The following CHSY3 variants were observed in gnomAD, a reference collection of about 807,000 sequenced individuals.
The protein encoded by CHSY3 is N-acetylgalactosaminyl-proteoglycan 3-beta-glucuronosyltransferase 3.
CHSY3 carries 35 observed loss-of-function variants against 67.2 expected under a neutral mutation model. The ratio of observed to expected loss-of-function variants is 0.52; its 90% CI spans 0.40 to 0.69. CHSY3 has a LOEUF of 0.69. CHSY3 is among the 30% of genes least tolerant of loss of function. CHSY3 has a pLI of 0.00. For synonymous variants in CHSY3, 474 were observed against 434.7 expected, an observed-to-expected ratio of 1.09 and a Z score of -1.12; for missense variants, 1,069 against 1,138.5, an observed-to-expected ratio of 0.94 and a Z score of 0.88.
intron 1 of CHSY3, chr5:129,905,919 G>A (rs1760275347): frequency 1.8e-6 from 1 of 569,018 alleles, no homozygotes; most frequent in Admixed American, 3.5e-5. Flanking sequence ...TTACCTCGTC[G>A]GAGAGGTTAG....
At chr5:130,007,732 C>T (rs748976115) in intron 2 of CHSY3, among the ~76,000 whole-genome samples, 12 of 152,090 alleles carry the variant, frequency 7.9e-5, no homozygotes, top group African/African-American at 1.4e-4. Flanking sequence ...GTTACACTCA[C>T]GCCTCAAGAC....
chr5:130,001,603 T>A (rs531370242), intron 2 of CHSY3: 1 of 857,038 alleles, frequency 1.2e-6, no homozygotes, highest in Non-Finnish European at 1.4e-6. Flanking sequence ...ATGAGCATTC[T>A]GTGAGAATTT....
intron 2 of CHSY3, among the ~76,000 whole-genome samples, chr5:129,917,366 C>T (rs1561453475): frequency 6.6e-6 from 1 of 152,168 alleles, no homozygotes; most frequent in Admixed American, 6.5e-5. Context: ...GTTATTACAA[C>T]AGAGAGCCTG....
intron 2 of CHSY3, among the ~76,000 whole-genome samples, chr5:129,976,455 G>T (rs1170702270): frequency 1.3e-5 from 2 of 152,080 alleles, no homozygotes; most frequent in African/African-American, 4.8e-5. Context: ...CAGTAAATGT[G>T]CACAGATATT....
intron 2 of CHSY3, among the ~76,000 whole-genome samples, chr5:130,081,187 G>A (rs1766434816): frequency 6.6e-6 from 1 of 152,082 alleles, no homozygotes; most frequent in Non-Finnish European, 1.5e-5. Flanking sequence ...GAAAACTCAG[G>A]GAGGATTCCA....
At chr5:129,930,012 T>C (rs1761245424) in intron 2 of CHSY3, among the ~76,000 whole-genome samples, 1 of 152,156 alleles carries the variant, frequency 6.6e-6, no homozygotes, top group African/African-American at 2.4e-5. Flanking sequence ...ATGAATGTAT[T>C]GGAAGTACTT....
At chr5:129,942,804 A>G (rs1178908664) in intron 2 of CHSY3, among the ~76,000 whole-genome samples, 5 of 152,206 alleles carry the variant, frequency 3.3e-5, no homozygotes, top group African/African-American at 9.6e-5. Flanking sequence ...TTTGGCAGAT[A>G]GAATTTACAT....
chr5:130,071,060 A>G (rs1766046937), intron 2 of CHSY3, among the ~76,000 whole-genome samples: 1 of 150,282 alleles, frequency 6.7e-6, no homozygotes, highest in Non-Finnish European at 1.5e-5. Flanking sequence ...ATAGTAATAG[A>G]TAGAGATGTT....
intron 2 of CHSY3, among the ~76,000 whole-genome samples, chr5:130,028,169 A>C (rs867070696): frequency 6.6e-6 from 1 of 152,124 alleles, no homozygotes; most frequent in African/African-American, 2.4e-5. Flanking sequence ...AAACTACTTT[A>C]AAGTTCATAT....
At chr5:130,081,367 G>A (rs1411380223) in intron 2 of CHSY3, among the ~76,000 whole-genome samples, 1 of 150,022 alleles carries the variant, frequency 6.7e-6, no homozygotes, top group Non-Finnish European at 1.5e-5. Context: ...GGGGAGGGGA[G>A]GTCAGAAAGA....
intron 2 of CHSY3, among the ~76,000 whole-genome samples, chr5:129,971,373 T>C (rs916236401): frequency 6.6e-6 from 1 of 151,848 alleles, no homozygotes; most frequent in African/African-American, 2.4e-5. Flanking sequence ...TTTATTTCCA[T>C]GCACTAATTT....
chr5:130,171,985 A>T (rs1285590034), intron 2 of CHSY3, among the ~76,000 whole-genome samples: 1 of 152,176 alleles, frequency 6.6e-6, no homozygotes, highest in East Asian at 1.9e-4. Flanking sequence ...GGCCTTAGGC[A>T]TAGCTCAGTG....
chr5:130,072,538 A>G (rs942176793), intron 2 of CHSY3, among the ~76,000 whole-genome samples: 1 of 152,058 alleles, frequency 6.6e-6, no homozygotes, highest in East Asian at 1.9e-4. Flanking sequence ...TTATGCCAGT[A>G]CCATGCTGTT....
intron 2 of CHSY3, among the ~76,000 whole-genome samples, chr5:130,064,366 G>C (rs1765814490): frequency 1.3e-5 from 2 of 152,046 alleles, no homozygotes; most frequent in African/African-American, 4.8e-5. Context: ...AGAAGTTAAG[G>C]AGTTTTTACA....
intron 2 of CHSY3, among the ~76,000 whole-genome samples, chr5:130,080,225 A>T (rs951881067): frequency 1.3e-5 from 2 of 151,946 alleles, no homozygotes; most frequent in African/African-American, 4.8e-5. Context: ...AGTAGGTCAG[A>T]CCTCCAATAC....
intron 2 of CHSY3, among the ~76,000 whole-genome samples, chr5:130,126,443 G>T (rs957566736): frequency 6.6e-6 from 1 of 152,136 alleles, no homozygotes; most frequent in Non-Finnish European, 1.5e-5. Flanking sequence ...CATGGTATTA[G>T]GTGGAACTTC....
At chr5:130,012,187 A>G (rs1287330511) in intron 2 of CHSY3, among the ~76,000 whole-genome samples, 1 of 152,206 alleles carries the variant, frequency 6.6e-6, no homozygotes, top group East Asian at 1.9e-4. Context: ...TAACACTGCC[A>G]GGAGTCAAAC....
chr5:130,082,112 C>T (rs1183206864), intron 2 of CHSY3, among the ~76,000 whole-genome samples: 2 of 151,934 alleles, frequency 1.3e-5, no homozygotes, highest in African/African-American at 4.8e-5. Flanking sequence ...ATTACGTTTC[C>T]CATCTGAATC....
At chr5:130,012,748 A>G (rs1028286009) in intron 2 of CHSY3, among the ~76,000 whole-genome samples, 2 of 152,088 alleles carry the variant, frequency 1.3e-5, no homozygotes, top group African/African-American at 4.8e-5. Flanking sequence ...GTAATTCAAG[A>G]TGAGATTTGG....
Sources: allele counts gnomAD v4.1 joint callset (sites outside exome capture counted in the v4.1 genomes callset), GRCh38; gene constraint gnomAD v4.1.1; transcripts MANE v1.5; gene names NCBI Gene and HGNC (gene_info 2026-07-23, HGNC 2026-07-21).